The following KMT2D variants were observed in gnomAD, a reference collection of about 807,000 sequenced individuals.
KMT2D encodes lysine methyltransferase 2D.
A neutral mutation model predicts 512.7 loss-of-function variants in KMT2D; 55 were observed. That is an observed-to-expected ratio of 0.11 (90% CI 0.09 to 0.13). KMT2D has a LOEUF of 0.13. Ranked by LOEUF, KMT2D falls within the 10% of genes least tolerant of loss-of-function variation. The probability of loss-of-function intolerance (pLI) is 1.00; values close to 1 mark genes in which losing one functional copy is unlikely to be tolerated. For missense variants in KMT2D, 6,061 were observed against 7,127.9 expected (o/e 0.85, Z 5.39); for synonymous variants, 2,995 against 2,904.0 (o/e 1.03, Z -1.01).
chr12:49,050,804 GA>G lies in KMT2D; in HGVS notation c.2798-15del. ...GAGGAAGGGGATCTGGAAGGAAAGA[GA>G]AAAAAGAAGGGCTCTTAGATTAGAT... On this transcript the variant is annotated splice_polypyrimidine_tract_variant and intron_variant, in intron 11 of 54. Transcript: ENST00000301067. 6.3e-7 allele frequency: 1 copy of G among 1,584,694 alleles called. No homozygotes were observed. Among genetic ancestry groups the G allele is most frequent in the African/African-American group, 1.4e-5 (1 of 73,490 alleles).
chr12:49,047,543 G>A (rs867186109), intron 15 of KMT2D, among the ~76,000 whole-genome samples: 4 of 149,092 alleles, frequency 2.7e-5, no homozygotes, highest in East Asian at 4.1e-4. Flanking sequence ...TCAGCCTCCC[G>A]AGTTGCTGAG....
At position 49,060,048 on chromosome 12, in the gene KMT2D, G is replaced by T. The variant is rs1297596494; in HGVS notation, c.-473C>A. Among the ~76,000 whole-genome samples the T allele has an allele frequency of 6.6e-6, 1 of 151,552 alleles. No homozygotes were observed. The highest frequency in any genetic ancestry group is 1.5e-5 in the Non-Finnish European group (1 of 67,788). ...AGGCGCCTCCCCAGCAGCCCGGAAGGAATGCCGCGCCGCCCCGCGCCTGGC... is the reference window on the plus strand; with the variant it reads ...AGGCGCCTCCCCAGCAGCCCGGAAGTAATGCCGCGCCGCCCCGCGCCTGGC... On this transcript the variant is annotated 5_prime_UTR_variant, in exon 1 of 55. Coordinates refer to ENST00000301067, the MANE Select transcript of KMT2D (RefSeq NM_003482.4).
rs765351178 is a variant in KMT2D at position 49,040,954 on chromosome 12, C to A, written c.6816G>T (p.Leu2272=). ...GVGGGKASEP[L]LSPPPFGESR... Reference sequence around the variant, plus strand: ...ACTCCCCAAAAGGTGGGGGCGAGAGCAGGGGCTCGGAAGCTTTGCCTCCCC... The same window carrying A: ...ACTCCCCAAAAGGTGGGGGCGAGAGAAGGGGCTCGGAAGCTTTGCCTCCCC... Residue 2272 remains leucine, a synonymous_variant, in exon 32 of 55, where the codon CTG becomes CTT. Coordinates refer to ENST00000301067, the MANE Select transcript of KMT2D (RefSeq NM_003482.4). The A allele has an allele frequency of 1.9e-5, 31 of 1,612,190 alleles. No homozygotes were observed. The highest frequency in any genetic ancestry group is 2.5e-5 in the Non-Finnish European group (29 of 1,178,918).
rs1389062330 is a variant in KMT2D at position 49,033,284 on chromosome 12, C to G, written c.11421G>C (p.Val3807=). Residue 3807 remains valine, a synonymous_variant, in exon 40 of 55, where the codon GTG becomes GTC. Transcript: ENST00000301067. ...GPQGMLGPAQ[V]AVLQQQHPGA... ...CAGGGTGCTGCTGCTGCAACACAGC[C>G]ACCTGGGCAGGGCCCAGCATGCCCT... 1 of 1,576,654 alleles carries G rather than the reference C, an allele frequency of 6.3e-7. No individual in the cohort carries two copies. The highest frequency in any genetic ancestry group is 1.3e-5 in the African/African-American group (1 of 74,154).
Position 49,031,902 on chromosome 12 carries a change from C to T in KMT2D, c.12803G>A (p.Gly4268Glu), listed in dbSNP as rs368301050. Residue 4268 changes from glycine (G) to glutamate (E), a missense_variant, in exon 40 of 55, where the codon GGA (glycine) becomes GAA (glutamate). Transcript: ENST00000301067. ...CTCCTGGAGGGGGCCTGTCTGTGGTCCAGGGAAGCCCCCAAGTTGAGGTTG... is the reference window on the plus strand; with the variant it reads ...CTCCTGGAGGGGGCCTGTCTGTGGTTCAGGGAAGCCCCCAAGTTGAGGTTG... ...GCQPQLGGFP[G>E]PQTGPLQELG... 1.2e-5 allele frequency: 18 copies of T among 1,535,730 alleles called. No individual in the cohort carries two copies. The African/African-American group carries it at 1.8e-4, about 15-fold the overall frequency.
rs1218751620 is a variant in KMT2D, at chr12:49,043,399, C to G, written c.5497G>C (p.Glu1833Gln). 6.2e-7 allele frequency: 1 copy of G among 1,613,990 alleles called. No individual in the cohort carries two copies. Among genetic ancestry groups the G allele is most frequent in the Non-Finnish European group, 8.5e-7 (1 of 1,179,890 alleles). Residue 1833 changes from glutamate (E) to glutamine (Q), a missense_variant, in exon 25 of 55, where the codon GAA becomes CAA. By Grantham distance (29) the Glu-to-Gln change is conservative. Transcript: ENST00000301067. ...GCTTTGCCCTCGAGGCCACGGGATT[C>G]TTCATCTGCAATATCTGGACCATCA... ...GDDGPDIADE[E>Q]SRGLEGKADT...
intron 25 of KMT2D, 88 bp downstream of exon 25, chr12:49,043,275 C>T: frequency 6.4e-7 from 1 of 1,555,476 alleles, no homozygotes; most frequent in Non-Finnish European, 8.9e-7. Flanking sequence ...AGTTTCCAGC[C>T]TCCAACACTG....
In KMT2D at chr12:49,041,276, G is replaced by T. The variant is rs779951879; in HGVS notation, c.6494C>A (p.Pro2165His). The part of the protein sequence containing the change: ...SPGELFLKLP[P>H]QVPAQVPSQD... ...CGAAGGCACTTGGGCGGGCACCTGG[G>T]GTGGGAGCTTGAGGAAGAGCTCACC... The change falls in exon 32 of 55, where the codon CCC becomes CAC. Residue 2165 changes from proline to histidine, a missense_variant. Pro to His is a moderately conservative substitution (Grantham distance 77). Around this residue, in one of 16 missense-constraint regions of KMT2D, gnomAD observed 710 missense variants for 647.3 expected, o/e 1.10. Coordinates refer to ENST00000301067, the MANE Select transcript of KMT2D (RefSeq NM_003482.4). This position sits in a 1 kb window ranked among gnomAD's most constrained non-coding sequence, Gnocchi z 5.4. 6.6e-7 allele frequency: 1 copy of T among 1,520,992 alleles called. No individual in the cohort carries two copies. Among genetic ancestry groups the T allele is most frequent in the Non-Finnish European group, 8.8e-7 (1 of 1,137,920 alleles). The allele number at this position is 1,520,992 out of a possible 1,614,324, so 94.2% of individuals were successfully genotyped here. A position where few individuals can be genotyped will look rare whatever the true frequency, so the allele number is the denominator to read the frequency against.
In KMT2D at chr12:49,033,454, C is replaced by A. The variant is rs1460114733; in HGVS notation, c.11251G>T (p.Val3751Leu). The A allele has an allele frequency of 6.2e-7, 1 of 1,600,694 alleles. No individual in the cohort carries two copies. The highest frequency in any genetic ancestry group is 1.8e-5 in the Admixed American group (1 of 56,968). The stretch of plus-strand genomic sequence containing the variant: ...TGCTGCTGTTGCTGCTGGATTGCCA[C>A]CTGTCCTAGAAGGTGCTGCTGCTGC... Reference protein sequence around the residue: ...QQQQQHLLGQVAIQQQQQQGP... With the variant: ...QQQQQHLLGQLAIQQQQQQGP... The change falls in exon 40 of 55, where the codon GTG (valine) becomes TTG (leucine). Residue 3751 changes from valine to leucine, a missense_variant. Transcript: ENST00000301067.
chr12:49,052,707 A>T lies in KMT2D; in HGVS notation c.1115T>A (p.Phe372Tyr), dbSNP rs367758673. ...GGTATCGCCAGGCTCTGGGGGTGAA[A>T]ATCTGCAGAGGGTACAGGGGAGCAG... Reference protein sequence around the residue: ...AEQHTPVCSRFSPPEPGDTPT... With the variant: ...AEQHTPVCSRYSPPEPGDTPT... Residue 372 changes from phenylalanine (F) to tyrosine (Y), a missense_variant and splice_region_variant, in exon 10 of 55, where the codon TTT (phenylalanine) becomes TAT (tyrosine). Coordinates refer to ENST00000301067, the MANE Select transcript of KMT2D (RefSeq NM_003482.4). 3.1e-4 allele frequency: 500 copies of T among 1,613,322 alleles called. 2 individuals are homozygous for T. The South Asian group carries it at 5.1e-3, about 16-fold the overall frequency.
Position 49,051,484 on chromosome 12 carries a change from T to C in KMT2D, c.2199A>G (p.Gln733=), listed in dbSNP as rs1938013002. Residue 733 remains glutamine, a synonymous_variant, in exon 11 of 55, where the codon CAA becomes CAG. Transcript: ENST00000301067. ...GCGGCCCCTCGGACCGGGGGCAGAG[T>C]TGCGGCTCCTCAGGTAGTGGCAACA... ...SPLLPLPEEP[Q]LCPRSEGPHL... 1 of 1,603,528 alleles carries C rather than the reference T, an allele frequency of 6.2e-7. No individual in the cohort carries two copies. The highest frequency in any genetic ancestry group is 8.5e-7 in the Non-Finnish European group (1 of 1,176,216).
chr12:49,032,987 CAGCTGCTGCTGCTGCTGA>C lies in KMT2D; in HGVS notation c.11700_11717del (p.Leu3912_Gln3917del), dbSNP rs2120437569. 1.9e-6 allele frequency: 3 copies of C among 1,551,056 alleles called. No homozygotes were observed. Among genetic ancestry groups the C allele is most frequent in the Non-Finnish European group, 2.6e-6 (3 of 1,146,878 alleles). ...GCTGCTGAAGTTGCTGTTGCTGTTG[CAGCTGCTGCTGCTGCTGA>C]AGCTGCTGTAAAGAGCCCATGGGCT... On this transcript the variant is annotated inframe_deletion, in exon 40 of 55. Coordinates refer to ENST00000301067, the MANE Select transcript of KMT2D (RefSeq NM_003482.4).
chr12:49,026,386 G>A lies in KMT2D; in HGVS notation c.15580C>T (p.His5194Tyr). The change falls in exon 49 of 55, where the codon CAC becomes TAC. Residue 5194 changes from histidine to tyrosine, a missense_variant. Around this residue, in one of 16 missense-constraint regions of KMT2D, gnomAD observed 261 missense variants for 440.7 expected, o/e 0.59. Transcript: ENST00000301067. The surrounding 1 kb of genome is among the most constrained non-coding windows in gnomAD (Gnocchi z 9.6). ...VFHAIGQLLPHQMADFHSATA... is the reference protein window; with the variant it reads ...VFHAIGQLLPYQMADFHSATA... ...GCACTATGAAAGTCAGCCATCTGGT[G>A]AGGCAGCAGCTGTCCGATGGCGTGG... 8 of 1,612,926 alleles carry A rather than the reference G, an allele frequency of 5.0e-6. No individual in the cohort carries two copies. Among genetic ancestry groups the A allele is most frequent in the Non-Finnish European group, 5.9e-6 (7 of 1,178,964 alleles).
intron 38 of KMT2D, 36 bp from the exon 39 acceptor site, chr12:49,034,335 G>T (rs2120455902): frequency 6.2e-7 from 1 of 1,610,598 alleles, no homozygotes; most frequent in South Asian, 1.1e-5. Flanking sequence ...ACCTGCAAAA[G>T]GGTAATCCCA....
At chr12:49,055,549 T>C (rs889497609) in intron 1 of KMT2D, among the ~76,000 whole-genome samples, 188 bp from the exon 2 acceptor site, 4 of 152,128 alleles carry the variant, frequency 2.6e-5, no homozygotes, top group African/African-American at 9.7e-5. Context: ...GATAAACACA[T>C]ACGCTCTTCT....
In KMT2D at chr12:49,051,662, G is replaced by T. The variant is rs759891414; in HGVS notation, c.2021C>A (p.Pro674Gln). The change falls in exon 11 of 55, where the codon CCG becomes CAG. Residue 674 changes from proline (P) to glutamine (Q), a missense_variant. Pro to Gln is a moderately conservative substitution (Grantham distance 76). Around this residue, in one of 16 missense-constraint regions of KMT2D, gnomAD observed 848 missense variants for 838.5 expected, o/e 1.01. Transcript: ENST00000301067. Reference protein sequence around the residue: ...PPPEESPLSPPPEESPTSPPP... With the variant: ...PPPEESPLSPQPEESPTSPPP... Reference sequence around the variant, plus strand: ...AGGGGACGTGGGAGACTCCTCAGGCGGTGGGGACAAGGGAGATTCCTCAGG... The same window carrying T: ...AGGGGACGTGGGAGACTCCTCAGGCTGTGGGGACAAGGGAGATTCCTCAGG... 6.4e-7 allele frequency: 1 copy of T among 1,574,258 alleles called. No homozygotes were observed. Among genetic ancestry groups the T allele is most frequent in the Admixed American group, 1.7e-5 (1 of 57,796 alleles).
rs2120520033 is a variant in KMT2D at position 49,039,943 on chromosome 12, T to C, written c.7827A>G (p.Pro2609=). ...GSTGESYGLS[P]LRPPSVLPPP... ...GTGGCAGAACCGACGGAGGGCGTAG[T>C]GGGGACAGCCCATAGCTCTCCCCTG... Residue 2609 remains proline (P), a synonymous_variant, in exon 32 of 55, where the codon CCA becomes CCG. Coordinates refer to ENST00000301067, the MANE Select transcript of KMT2D (RefSeq NM_003482.4). The surrounding 1 kb of genome is among the most constrained non-coding windows in gnomAD (Gnocchi z 5.0). The C allele has an allele frequency of 1.9e-6, 3 of 1,613,882 alleles. No homozygotes were observed. The highest frequency in any genetic ancestry group is 1.3e-5 in the African/African-American group (1 of 75,052).
chr12:49,041,994 G>A lies in KMT2D; in HGVS notation c.6110-4C>T. 2 of 1,612,342 alleles carry A rather than the reference G, an allele frequency of 1.2e-6. No individual in the cohort carries two copies. The highest frequency in any genetic ancestry group is 1.7e-4 in the Middle Eastern group (1 of 6,056). On this transcript the variant is annotated splice_polypyrimidine_tract_variant and splice_region_variant and intron_variant, in intron 29 of 54. Transcript: ENST00000301067. The surrounding 1 kb of genome is among the most constrained non-coding windows in gnomAD (Gnocchi z 5.4). ...TGTTTGCAACGGCTTGACCAGTCTG[G>A]AGGGCAGAGAGAGTGAGTCAGAGAA... is the stretch of plus-strand genomic sequence containing the variant.
Position 49,060,601 on chromosome 12 carries a change from C to G in KMT2D, c.-1026G>C, listed in dbSNP as rs568907386. 9.9e-5 allele frequency among the ~76,000 whole-genome samples: 15 copies of G among 152,236 alleles called. No homozygotes were observed. The highest frequency in any genetic ancestry group is 2.1e-4 in the South Asian group (1 of 4,834). On this transcript the variant is annotated 5_prime_UTR_variant, in exon 1 of 55. Coordinates refer to ENST00000301067, the MANE Select transcript of KMT2D (RefSeq NM_003482.4). ...AGCGCGGCGCCGCTCCGCCTCCCCC[C>G]CTCCGCCTCCTGTTCGGCCGGTAGG... is the stretch of plus-strand genomic sequence containing the variant.
Sources: allele counts gnomAD v4.1 joint callset (sites outside exome capture counted in the v4.1 genomes callset), GRCh38; gene constraint gnomAD v4.1.1; regional missense constraint gnomAD v4.1.1; non-coding constraint Gnocchi (gnomAD v3.1); transcripts MANE v1.5; gene names NCBI Gene and HGNC (gene_info 2026-07-23, HGNC 2026-07-21).